Variants in ZNF385D observed in about 807,000 individuals in gnomAD.
The protein encoded by ZNF385D is zinc finger protein 385D.
ZNF385D carries 15 observed loss-of-function variants against 35.8 expected under a neutral mutation model. The observed-to-expected ratio is 0.42, with a 90% CI of 0.28 to 0.64. The LOEUF is 0.64. Among genes scored for constraint, ZNF385D ranks in the 30% least tolerant of loss-of-function variants. ZNF385D has a pLI of 0.23. For synonymous variants in ZNF385D, 212 were observed against 186.8 expected (o/e 1.13, Z -1.10); for missense variants, 474 against 494.6 (o/e 0.96, Z 0.39).
At chr3:22,152,264 C>T (rs9822627) in intron 3 of ZNF385D, among the ~76,000 whole-genome samples, 1 of 152,222 alleles carries the variant, frequency 6.6e-6, no homozygotes, top group East Asian at 1.9e-4. Context: ...TATTCCCTAT[C>T]CTCTGCTCTC....
intron 1 of ZNF385D, among the ~76,000 whole-genome samples, chr3:21,696,745 A>T (rs1179786572): frequency 6.6e-6 from 1 of 152,236 alleles, no homozygotes; most frequent in African/African-American, 2.4e-5. Flanking sequence ...TAGCTTCTAC[A>T]AAACAGTGCT....
chr3:22,069,903 T>C (rs1264633375), intron 3 of ZNF385D, among the ~76,000 whole-genome samples: 1 of 152,148 alleles, frequency 6.6e-6, no homozygotes, highest in Admixed American at 6.5e-5. Flanking sequence ...GCTGGTTCTG[T>C]CTGCTACAGA....
In ZNF385D at chr3:21,537,124, C is replaced by T. The variant is rs1163609155; in HGVS notation, c.277-26101G>A. ...AAATTCATGGTGAACAAAATATCAA[C>T]TTTTTTTTTTTTTTTTTTTTTTTTA... is the stretch of plus-strand genomic sequence containing the variant. On this transcript the variant is annotated intron_variant, in intron 3 of 7. Coordinates refer to ENST00000281523, the MANE Select transcript of ZNF385D (RefSeq NM_024697.3). Among the ~76,000 whole-genome samples, 105 of 95,012 alleles carry T rather than the reference C, an allele frequency of 1.1e-3. 1 individual carries two copies. Among genetic ancestry groups the T allele is most frequent in the African/African-American group, 3.9e-3 (96 of 24,748 alleles). The allele number at this position is 95,012 out of a possible 152,430, so 62.3% of individuals were successfully genotyped here.
intron 2 of ZNF385D, among the ~76,000 whole-genome samples, chr3:21,581,846 A>G (rs1352649910): frequency 1.3e-5 from 2 of 152,206 alleles, no homozygotes; most frequent in African/African-American, 2.4e-5. Context: ...TGTTAAAGGT[A>G]CAGAGCCAGG....
chr3:21,980,041 G>C (rs1694339346), intron 3 of ZNF385D, among the ~76,000 whole-genome samples: 1 of 152,150 alleles, frequency 6.6e-6, no homozygotes, highest in South Asian at 2.1e-4. Flanking sequence ...TGTGATATCT[G>C]AGCAAGATGG....
At chr3:21,653,855 G>A (rs1057304753) in intron 2 of ZNF385D, among the ~76,000 whole-genome samples, 2 of 152,050 alleles carry the variant, frequency 1.3e-5, no homozygotes, top group Non-Finnish European at 2.9e-5. Flanking sequence ...GAAAGTGGCA[G>A]AAAACGCTGG....
intron 3 of ZNF385D, among the ~76,000 whole-genome samples, chr3:21,973,318 A>G (rs1341887987): frequency 1.3e-5 from 2 of 152,024 alleles, no homozygotes; most frequent in Non-Finnish European, 1.5e-5. Context: ...GACAACAACC[A>G]TATGATAATT....
chr3:21,772,851 T>C (rs2071133118), intron 3 of ZNF385D, among the ~76,000 whole-genome samples: 1 of 151,924 alleles, frequency 6.6e-6, no homozygotes, highest in African/African-American at 2.4e-5. Context: ...GTAGCATACA[T>C]ATGCACAATG....
At chr3:21,461,439 T>G (rs1035965700) in intron 4 of ZNF385D, among the ~76,000 whole-genome samples, 10 of 151,936 alleles carry the variant, frequency 6.6e-5, no homozygotes, top group African/African-American at 1.9e-4. Context: ...TCCCAGCTAC[T>G]TGGGAGGCTG....
chr3:22,045,554 G>A (rs1261681127), intron 3 of ZNF385D, among the ~76,000 whole-genome samples: 5 of 152,118 alleles, frequency 3.3e-5, no homozygotes, highest in African/African-American at 1.2e-4. Flanking sequence ...AAATTCAGGT[G>A]TGAGTTCTTC....
intron 2 of ZNF385D, among the ~76,000 whole-genome samples, chr3:22,221,436 T>C (rs1349590950): frequency 6.6e-6 from 1 of 152,162 alleles, no homozygotes; most frequent in African/African-American, 2.4e-5. Context: ...ATTTAATTAA[T>C]TTATATGATA....
At chr3:22,245,378 C>G (rs116008024) in intron 2 of ZNF385D, among the ~76,000 whole-genome samples, 1,558 of 151,160 alleles carry the variant, frequency 0.01, 26 homozygotes, top group African/African-American at 0.035. Context: ...CATGCTGCTA[C>G]TTACACTGCA....
intron 2 of ZNF385D, among the ~76,000 whole-genome samples, chr3:22,255,278 C>T (rs1055842821): frequency 6.6e-6 from 1 of 151,374 alleles, no homozygotes; most frequent in Non-Finnish European, 1.5e-5. Context: ...TATTCCCCCC[C>T]CCAAAATTGT....
chr3:21,573,685 T>C (rs1438813220), intron 2 of ZNF385D, among the ~76,000 whole-genome samples: 2 of 151,724 alleles, frequency 1.3e-5, no homozygotes, highest in Non-Finnish European at 2.9e-5. Context: ...ATCTAAAATA[T>C]GGCATCAAAC....
intron 2 of ZNF385D, among the ~76,000 whole-genome samples, chr3:22,201,010 T>C: frequency 6.6e-6 from 1 of 152,038 alleles, no homozygotes; most frequent in Admixed American, 6.6e-5. Context: ...AATGCAATTA[T>C]TACAGGGTCC....
chr3:21,936,657 T>G (rs1020317923), intron 3 of ZNF385D, among the ~76,000 whole-genome samples: 12 of 152,134 alleles, frequency 7.9e-5, no homozygotes, highest in Non-Finnish European at 1.8e-4. Context: ...CATCTTATTT[T>G]ACAGCCATGT....
chr3:21,642,411 C>T (rs1264957527), intron 2 of ZNF385D, among the ~76,000 whole-genome samples: 1 of 151,946 alleles, frequency 6.6e-6, no homozygotes, highest in Non-Finnish European at 1.5e-5. Flanking sequence ...CCCAGTTAAA[C>T]ACTGCCACTT....
At chr3:22,171,237 T>C (rs1694401684) in intron 2 of ZNF385D, among the ~76,000 whole-genome samples, 1 of 152,222 alleles carries the variant, frequency 6.6e-6, no homozygotes, top group Admixed American at 6.5e-5. Context: ...TGTGCCCTTG[T>C]AACACATCAT....
intron 4 of ZNF385D, among the ~76,000 whole-genome samples, chr3:21,503,140 G>A (rs1208920242): frequency 3.3e-5 from 5 of 152,020 alleles, no homozygotes; most frequent in Non-Finnish European, 5.9e-5. Context: ...ACCCACAAAA[G>A]CATTTGTCTA....
Sources: allele counts gnomAD v4.1 joint callset (sites outside exome capture counted in the v4.1 genomes callset), GRCh38; gene constraint gnomAD v4.1.1; transcripts MANE v1.5; gene names NCBI Gene and HGNC (gene_info 2026-07-23, HGNC 2026-07-21).